Variants in RABGAP1L observed in about 807,000 individuals in gnomAD.
The protein encoded by RABGAP1L is RAB GTPase activating protein 1 like.
Under a neutral mutation model 137.7 loss-of-function variants are expected in RABGAP1L, and 63 were observed. That is an observed-to-expected ratio of 0.46 (90% CI 0.37 to 0.56). The LOEUF is 0.56. Ranked by LOEUF, RABGAP1L falls within the 20% of genes least tolerant of loss-of-function variation. The pLI, the probability that RABGAP1L is intolerant of heterozygous loss-of-function variation, is 0.00. For synonymous variants in RABGAP1L, 431 were observed against 433.7 expected (o/e 0.99, Z 0.08); for missense variants, 1,095 against 1,244.0 (o/e 0.88, Z 1.80).
intron 5 of RABGAP1L, among the ~76,000 whole-genome samples, chr1:174,242,635 C>G (rs974662584): frequency 1.4e-4 from 22 of 152,100 alleles, no homozygotes; most frequent in Non-Finnish European, 2.2e-4. Context: ...TTCTTGTGCC[C>G]TGGTGATCAG....
chr1:174,863,915 G>A (rs1429017218), intron 19 of RABGAP1L, among the ~76,000 whole-genome samples: 1 of 152,076 alleles, frequency 6.6e-6, no homozygotes, highest in Non-Finnish European at 1.5e-5. Context: ...AGGAGGCAGA[G>A]GTTGCAGTGA....
At chr1:174,963,424 T>G (rs1669339994) in intron 20 of RABGAP1L, among the ~76,000 whole-genome samples, 1 of 152,302 alleles carries the variant, frequency 6.6e-6, no homozygotes, top group African/African-American at 2.4e-5. Context: ...GCTGGTCTGC[T>G]AGAGTCCCTT....
intron 13 of RABGAP1L, among the ~76,000 whole-genome samples, chr1:174,405,270 A>C (rs746878071): frequency 2.0e-5 from 3 of 152,222 alleles, no homozygotes; most frequent in Non-Finnish European, 2.9e-5. Flanking sequence ...TCATGTAGCC[A>C]AGTAAATATT....
At chr1:174,286,602 G>A (rs535586905) in intron 10 of RABGAP1L, among the ~76,000 whole-genome samples, 1 of 151,526 alleles carries the variant, frequency 6.6e-6, no homozygotes, top group African/African-American at 2.4e-5. Context: ...TGCTAATTTG[G>A]GTCCAGTTTT....
intron 19 of RABGAP1L, among the ~76,000 whole-genome samples, chr1:174,837,155 C>T (rs932827207): frequency 3.3e-5 from 5 of 150,982 alleles, no homozygotes; most frequent in Admixed American, 6.6e-5. Context: ...TGCACTGAGC[C>T]GAGATCGTGC....
At chr1:174,299,419 T>A (rs1677450069) in intron 10 of RABGAP1L, among the ~76,000 whole-genome samples, 1 of 152,236 alleles carries the variant, frequency 6.6e-6, no homozygotes. Context: ...TTTTATGGGC[T>A]CTGCAATTTG....
rs1672152705 is a variant in RABGAP1L at position 174,992,864 on chromosome 1, ACCAG to A, written c.*2867_*2870del. On this transcript the variant is annotated 3_prime_UTR_variant, in exon 26 of 26. Transcript: ENST00000681986. ...CTTGAATTTCACTTAGAAGAGATTA[ACCAG>A]CCAAATATCCAGGAAAGTTTCAAAA... The A allele has an allele frequency of 6.6e-6, 1 of 152,200 alleles. No individual in the cohort carries two copies. The highest frequency in any genetic ancestry group is 2.1e-4 in the South Asian group (1 of 4,832). The allele number at this position is 152,200 out of a possible 1,614,324, so 9.4% of individuals were successfully genotyped here.
chr1:174,666,156 T>G (rs765495208), intron 14 of RABGAP1L, among the ~76,000 whole-genome samples: 18 of 152,330 alleles, frequency 1.2e-4, no homozygotes, highest in Non-Finnish European at 2.4e-4. Flanking sequence ...ATAAATTTAT[T>G]CCACATATTT....
At chr1:174,451,288 A>C (rs2149258366) in intron 13 of RABGAP1L, among the ~76,000 whole-genome samples, 1 of 152,330 alleles carries the variant, frequency 6.6e-6, no homozygotes, top group East Asian at 1.9e-4. Context: ...ATTATTTGGG[A>C]ATCGTATTTT....
intron 19 of RABGAP1L, among the ~76,000 whole-genome samples, chr1:174,901,991 T>A (rs1658219149): frequency 6.6e-6 from 1 of 152,192 alleles, no homozygotes; most frequent in South Asian, 2.1e-4. Context: ...CCTCAGTTTT[T>A]CCTGTACCTG....
chr1:174,264,915 A>C (rs1558082674), intron 7 of RABGAP1L, among the ~76,000 whole-genome samples: 1 of 152,146 alleles, frequency 6.6e-6, no homozygotes, highest in Non-Finnish European at 1.5e-5. Flanking sequence ...TTCTTATTTT[A>C]TCAAAAGTTA....
intron 23 of RABGAP1L, among the ~76,000 whole-genome samples, chr1:174,981,143 C>T (rs1253887713): frequency 6.6e-6 from 1 of 152,152 alleles, no homozygotes; most frequent in South Asian, 2.1e-4. Context: ...TGAATATTAT[C>T]TGGCAAGCCC....
At chr1:174,941,253 T>A (rs1558259911) in intron 19 of RABGAP1L, among the ~76,000 whole-genome samples, 1 of 151,822 alleles carries the variant, frequency 6.6e-6, no homozygotes, top group Non-Finnish European at 1.5e-5. Flanking sequence ...TGTTAGTTAG[T>A]CTACACCTTG....
At chr1:174,303,292 C>G (rs1287648977) in intron 10 of RABGAP1L, among the ~76,000 whole-genome samples, 1 of 151,674 alleles carries the variant, frequency 6.6e-6, no homozygotes, top group Non-Finnish European at 1.5e-5. Context: ...AAAAAAAATC[C>G]AGATTCCTAA....
intron 13 of RABGAP1L, among the ~76,000 whole-genome samples, chr1:174,491,029 C>T (rs1025237292): frequency 3.9e-5 from 6 of 152,222 alleles, no homozygotes; most frequent in South Asian, 2.1e-4. Context: ...GGCCTGGAAT[C>T]GGGGACCCCA....
chr1:174,533,700 C>T (rs888223584), intron 13 of RABGAP1L, among the ~76,000 whole-genome samples: 1 of 151,924 alleles, frequency 6.6e-6, no homozygotes, highest in Non-Finnish European at 1.5e-5. Flanking sequence ...GATGGAGTTT[C>T]GCTCTTGTTG....
intron 13 of RABGAP1L, chr1:174,548,676 T>A (rs1558331520): frequency 1.6e-6 from 1 of 637,212 alleles, no homozygotes; most frequent in Non-Finnish European, 2.0e-6. Context: ...TTTGCTTAAT[T>A]ATTCATTTTG....
intron 13 of RABGAP1L, among the ~76,000 whole-genome samples, chr1:174,614,358 T>C (rs1187077725): frequency 1.3e-5 from 2 of 152,232 alleles, no homozygotes; most frequent in African/African-American, 4.8e-5. Context: ...TTGAAAATTC[T>C]TTTCTTTAAG....
At chr1:174,820,186 T>TATGAAG (rs769230359) in intron 19 of RABGAP1L, among the ~76,000 whole-genome samples, 1 of 152,160 alleles carries the variant, frequency 6.6e-6, no homozygotes, top group Non-Finnish European at 1.5e-5. Flanking sequence ...CAAATGTATA[T>TATGAAG]ATGAAGAAGA....
Sources: allele counts gnomAD v4.1 joint callset (sites outside exome capture counted in the v4.1 genomes callset), GRCh38; gene constraint gnomAD v4.1.1; transcripts MANE v1.5; gene names NCBI Gene and HGNC (gene_info 2026-07-23, HGNC 2026-07-21).